Variants in OR56A3 observed in about 807,000 individuals in gnomAD.
OR56A3 encodes olfactory receptor family 56 subfamily A member 3.
Under a neutral mutation model 17.5 loss-of-function variants are expected in OR56A3, and 23 were observed. The observed-to-expected ratio is 1.32, with a 90% confidence interval of 0.95 to 1.87. The LOEUF is 1.87. Among genes scored for constraint, OR56A3 ranks in the 40% most tolerant of loss-of-function variants. The probability of loss-of-function intolerance (pLI) is 0.00; values close to 1 mark genes in which losing one functional copy is unlikely to be tolerated. For missense variants in OR56A3, 366 were observed against 380.1 expected (o/e 0.96, Z 0.31); for synonymous variants, 175 against 150.6 (o/e 1.16, Z -1.19).
At chr11:5,951,400 T>C (rs1847907247), downstream of OR56A3, 1 of 152,138 alleles carries the variant, frequency 6.6e-6, no homozygotes, top group African/African-American at 2.4e-5. Context: ...TTTGCTGTGT[T>C]CTTTTAATAA....
the OR56A3 span, among the ~76,000 whole-genome samples, chr11:6,014,118 G>A: frequency 6.6e-6 from 1 of 152,092 alleles, no homozygotes; most frequent in Non-Finnish European, 1.5e-5. Flanking sequence ...GCCCACTACT[G>A]CCACCACTGA....
the OR56A3 span, chr11:5,968,275 T>C: frequency 6.2e-7 from 1 of 1,613,028 alleles, no homozygotes; most frequent in South Asian, 1.1e-5. Context: ...CAGAGTACGA[T>C]GTCCAGCAGG....
At chr11:6,008,947 G>T in the OR56A3 span, among the ~76,000 whole-genome samples, 102,643 of 151,322 alleles carry the variant, frequency 0.68, 35,080 homozygotes, top group East Asian at 0.93. Flanking sequence ...CATCTAATCC[G>T]AATATTAACC....
the OR56A3 span, among the ~76,000 whole-genome samples, chr11:5,996,744 A>G: frequency 6.6e-6 from 1 of 152,262 alleles, no homozygotes; most frequent in Non-Finnish European, 1.5e-5. Flanking sequence ...CAGATTCCAA[A>G]GAAATAAGTC....
the OR56A3 span, among the ~76,000 whole-genome samples, chr11:6,011,690 C>T: frequency 6.6e-6 from 1 of 152,154 alleles, no homozygotes; most frequent in South Asian, 2.1e-4. Context: ...TCGGCTCGTT[C>T]TGTCCATTTG....
At chr11:5,985,535 A>G in the OR56A3 span, among the ~76,000 whole-genome samples, 15 of 152,306 alleles carry the variant, frequency 9.8e-5, no homozygotes, top group East Asian at 2.9e-3. Context: ...TCCCAGCACT[A>G]ACTTAGAGGT....
At chr11:5,997,100 G>T in the OR56A3 span, among the ~76,000 whole-genome samples, 30 of 152,298 alleles carry the variant, frequency 2.0e-4, no homozygotes, top group African/African-American at 7.0e-4. Context: ...TCATAGACAA[G>T]AATGAACGAA....
chr11:5,953,891 G>A (rs1478395487), downstream of OR56A3, among the ~76,000 whole-genome samples: 1 of 152,010 alleles, frequency 6.6e-6, no homozygotes, highest in African/African-American at 2.4e-5. Flanking sequence ...GTGAGAGATG[G>A]GGGGGACTCA....
chr11:6,009,835 A>C, the OR56A3 span, among the ~76,000 whole-genome samples: 2 of 152,222 alleles, frequency 1.3e-5, no homozygotes, highest in Middle Eastern at 3.4e-3. Context: ...TATTTTCTAC[A>C]TTCTTCTGTG....
downstream of OR56A3, among the ~76,000 whole-genome samples, chr11:5,955,876 C>T (rs1847929318): frequency 6.6e-6 from 1 of 152,056 alleles, no homozygotes. Flanking sequence ...TGCCATATAG[C>T]CTCCTTTTTA....
the OR56A3 span, among the ~76,000 whole-genome samples, chr11:6,011,414 G>T: frequency 5.3e-5 from 8 of 152,114 alleles, no homozygotes; most frequent in African/African-American, 1.9e-4. Context: ...ACCCTTGTTA[G>T]CTCTGTTCAT....
At position 5,948,014 on chromosome 11, in the gene OR56A3, C is replaced by G; in HGVS notation, c.668C>G (p.Thr223Ser). ...CTCATCCTTATCTTCCTCTCCTACACCTTCATTCTGCGAGCTGTGCTGAGA... is the reference window on the plus strand; with the variant it reads ...CTCATCCTTATCTTCCTCTCCTACAGCTTCATTCTGCGAGCTGTGCTGAGA... ...SDLILIFLSY[T>S]FILRAVLRLK... Residue 223 changes from threonine (T) to serine (S), a missense_variant, in exon 3 of 3, where the codon ACC becomes AGC. Transcript: ENST00000641160. 6.2e-7 allele frequency: 1 copy of G among 1,614,242 alleles called. No homozygotes were observed. The highest frequency in any genetic ancestry group is 8.5e-7 in the Non-Finnish European group (1 of 1,180,044).
At chr11:5,991,877 G>C in the OR56A3 span, among the ~76,000 whole-genome samples, 1 of 152,184 alleles carries the variant, frequency 6.6e-6, no homozygotes, top group African/African-American at 2.4e-5. Context: ...AGGACTCATA[G>C]ACAACCTGCA....
At chr11:5,969,922 TAAAGACAGTG>T in the OR56A3 span, among the ~76,000 whole-genome samples, 1 of 92,740 alleles carries the variant, frequency 1.1e-5, no homozygotes, top group African/African-American at 5.0e-5. Flanking sequence ...GATAGTGATA[TAAAGACAGTG>T]AGACTAGTTG....
At chr11:5,988,320 TAAA>T in the OR56A3 span, among the ~76,000 whole-genome samples, 3 of 152,100 alleles carry the variant, frequency 2.0e-5, no homozygotes, top group East Asian at 5.8e-4. Context: ...TTTGTTTTTT[TAAA>T]GAAACATATC....
At chr11:5,968,185 C>T in the OR56A3 span, 615,990 of 1,613,860 alleles carry the variant, frequency 0.38, 122,003 homozygotes, top group African/African-American at 0.68. Flanking sequence ...ATGATGAACA[C>T]CTGAAGGAAG....
chr11:5,990,721 A>C, the OR56A3 span, among the ~76,000 whole-genome samples: 620 of 152,326 alleles, frequency 4.1e-3, 2 homozygotes, highest in African/African-American at 0.014. Flanking sequence ...TACAAAAATC[A>C]AACATTAAGA....
Position 5,950,399 on chromosome 11 carries a change from A to G in OR56A3, c.*2105A>G, listed in dbSNP as rs956099354. On this transcript the variant is annotated 3_prime_UTR_variant, in exon 3 of 3. Transcript: ENST00000641160. Reference sequence around the variant, plus strand: ...TCATATTTTAAAAGTATTTGCCTGAAAAATCTGTTTTGCTTCACTTATATG... The same window carrying G: ...TCATATTTTAAAAGTATTTGCCTGAGAAATCTGTTTTGCTTCACTTATATG... 6.6e-6 allele frequency: 1 copy of G among 152,172 alleles called. No homozygotes were observed. The highest frequency in any genetic ancestry group is 1.5e-5 in the Non-Finnish European group (1 of 67,988). The allele number at this position is 152,172 out of a possible 1,614,324, so 9.4% of individuals were successfully genotyped here. A position where few individuals can be genotyped will look rare whatever the true frequency, so the allele number is the denominator to read the frequency against.
At chr11:6,011,414 G>C in the OR56A3 span, among the ~76,000 whole-genome samples, 9 of 152,232 alleles carry the variant, frequency 5.9e-5, 1 homozygote, top group South Asian at 1.9e-3. Context: ...ACCCTTGTTA[G>C]CTCTGTTCAT....
Sources: gnomAD v4.1 joint callset for allele counts (sites outside exome capture counted in the v4.1 genomes callset) on GRCh38, gnomAD v4.1.1 for gene constraint, MANE v1.5 for transcripts, NCBI Gene and HGNC (gene_info 2026-07-23, HGNC 2026-07-21) for gene names.